The following THOC5 variants were observed in gnomAD, a reference collection of about 807,000 sequenced individuals.
THOC5 encodes the protein Fms-interacting protein.
Under a neutral mutation model 92.9 loss-of-function variants are expected in THOC5, and 43 were observed. That is an observed-to-expected ratio of 0.46 (90% CI 0.36 to 0.60). The LOEUF (loss-of-function observed/expected upper bound fraction) is 0.60. Ranked by LOEUF, THOC5 falls within the 20% of genes least tolerant of loss-of-function variation. The pLI, the probability that THOC5 is intolerant of heterozygous loss-of-function variation, is 0.00. For missense variants in THOC5, 659 were observed against 849.4 expected (o/e 0.78, Z 2.79); for synonymous variants, 296 against 320.1 (o/e 0.92, Z 0.80).
At chr22:29,541,810 G>A (rs1197133472) in intron 5 of THOC5, among the ~76,000 whole-genome samples, 7 of 129,538 alleles carry the variant, frequency 5.4e-5, no homozygotes, top group South Asian at 2.6e-4. Flanking sequence ...GCAGTGAGCC[G>A]AGATCACGCC....
intron 12 of THOC5, among the ~76,000 whole-genome samples, chr22:29,524,006 G>A (rs566402000): frequency 5.9e-5 from 9 of 152,298 alleles, no homozygotes; most frequent in East Asian, 5.8e-4. Flanking sequence ...CCAGTGCTGC[G>A]ATAATTGGTT....
intron 14 of THOC5, 138 bp downstream of exon 14, chr22:29,519,870 G>A: frequency 3.9e-6 from 2 of 509,576 alleles, no homozygotes; most frequent in Non-Finnish European, 3.4e-6. Flanking sequence ...CTGACCTCAG[G>A]TGATCCACCT....
chr22:29,532,206 T>C (rs748071506), intron 7 of THOC5, among the ~76,000 whole-genome samples: 1 of 152,180 alleles, frequency 6.6e-6, no homozygotes, highest in East Asian at 1.9e-4. Flanking sequence ...ATGCCCATAG[T>C]CCCAGCACTT....
chr22:29,537,571 G>A (rs530665325), intron 6 of THOC5, among the ~76,000 whole-genome samples: 13 of 152,102 alleles, frequency 8.5e-5, no homozygotes, highest in East Asian at 7.7e-4. Flanking sequence ...CTGGGGAGGC[G>A]GAGGTGAAAC....
At chr22:29,513,318 C>G (rs997386139) in intron 17 of THOC5, among the ~76,000 whole-genome samples, 5 of 150,286 alleles carry the variant, frequency 3.3e-5, no homozygotes, top group African/African-American at 1.2e-4. Context: ...GATCGTGCCA[C>G]TGCACTCCAG....
chr22:29,532,942 C>T (rs891590820), intron 7 of THOC5, among the ~76,000 whole-genome samples: 23 of 152,142 alleles, frequency 1.5e-4, no homozygotes, highest in Admixed American at 3.9e-4. Flanking sequence ...TGTACCACTG[C>T]ACTCCAGCCT....
At chr22:29,527,693 G>A (rs950827432) in intron 11 of THOC5, among the ~76,000 whole-genome samples, 3 of 152,026 alleles carry the variant, frequency 2.0e-5, no homozygotes, top group Non-Finnish European at 4.4e-5. Flanking sequence ...TTTATTATAT[G>A]GTACTTTTTC....
rs767069765 is a variant in THOC5, at chr22:29,519,070, G to A, written c.1425C>T (p.Thr475=). 2 of 1,611,688 alleles carry A rather than the reference G, an allele frequency of 1.2e-6. No individual in the cohort carries two copies. The highest frequency in any genetic ancestry group is 1.7e-6 in the Non-Finnish European group (2 of 1,178,962). The change falls in exon 15 of 20, where the codon ACC becomes ACT. Residue 475 remains threonine, a synonymous_variant. Coordinates refer to ENST00000490103, the MANE Select transcript of THOC5 (RefSeq NM_003678.5). The part of the protein sequence containing the change: ...HSLSASHMET[T]MKLLKTRVQS... ...GCACCCTGGTCTTCAGAAGTTTCAT[G>A]GTGGTCTCCATGTGGCTGGCGCTCA...
Position 29,512,155 on chromosome 22 carries a change from G to C in THOC5, c.1682-19C>G, listed in dbSNP as rs1250468533. ...AGTTTGGCTGGGAAGAGAGGAGAGAGGGGAAATGCGCAGTTCTAAGACTCA... is the reference window on the plus strand; with the variant it reads ...AGTTTGGCTGGGAAGAGAGGAGAGACGGGAAATGCGCAGTTCTAAGACTCA... On this transcript the variant is annotated intron_variant, in intron 17 of 19. Coordinates refer to ENST00000490103, the MANE Select transcript of THOC5 (RefSeq NM_003678.5). 6.2e-7 allele frequency: 1 copy of C among 1,606,470 alleles called. No individual in the cohort carries two copies.
rs113591718 is a variant in THOC5 at position 29,513,351 on chromosome 22, C to G, written c.1682-1215G>C. ...CAGCCTGGGTGACAGAGCAAGACTC[C>G]GTCTCAAAAAAAAAAAAAAAAAGTT... On this transcript the variant is annotated intron_variant, in intron 17 of 19. Transcript: ENST00000490103. Among the ~76,000 whole-genome samples the G allele has an allele frequency of 3.6e-5, 5 of 138,918 alleles. No homozygotes were observed. The East Asian group carries it at 1.2e-3, about 33-fold the overall frequency. 91.1% of individuals were successfully genotyped at this position (138,918 alleles called of 152,430 possible).
chr22:29,540,074 G>C (rs1252599389), intron 5 of THOC5, among the ~76,000 whole-genome samples: 1 of 152,218 alleles, frequency 6.6e-6, no homozygotes, highest in Non-Finnish European at 1.5e-5. Flanking sequence ...GAGGTCAGGA[G>C]TTCGAGACCA....
At chr22:29,509,490 G>A (rs1448229203) in intron 19 of THOC5, among the ~76,000 whole-genome samples, 1 of 152,090 alleles carries the variant, frequency 6.6e-6, no homozygotes, top group African/African-American at 2.4e-5. Flanking sequence ...CCACCTCCCA[G>A]CAGCCACTCA....
chr22:29,530,254 G>A (rs2063625281), intron 8 of THOC5, among the ~76,000 whole-genome samples: 1 of 151,632 alleles, frequency 6.6e-6, no homozygotes, highest in South Asian at 2.1e-4. Context: ...TTTTAGGCTG[G>A]GTGTGGTGGC....
intron 2 of THOC5, among the ~76,000 whole-genome samples, chr22:29,547,118 A>G (rs1214957500): frequency 2.0e-5 from 3 of 152,188 alleles, no homozygotes; most frequent in African/African-American, 7.2e-5. Context: ...TGCTAGGATT[A>G]TAGGCGTGAG....
intron 2 of THOC5, 28 bp downstream of exon 2, chr22:29,549,024 G>T (rs2064086268): frequency 6.2e-7 from 1 of 1,609,136 alleles, no homozygotes; most frequent in Admixed American, 1.7e-5. Context: ...TAATTTCTCA[G>T]CAGCATGGCA....
At chr22:29,544,629 G>A (rs1407815094) in intron 2 of THOC5, 26 bp from the exon 3 acceptor site, 1 of 1,563,536 alleles carries the variant, frequency 6.4e-7, no homozygotes, top group Non-Finnish European at 8.7e-7. Flanking sequence ...TAAAGGCTCT[G>A]TGTGCATGGG....
At chr22:29,552,760 A>G (rs1481855850) in intron 1 of THOC5, among the ~76,000 whole-genome samples, 1 of 152,166 alleles carries the variant, frequency 6.6e-6, no homozygotes, top group Non-Finnish European at 1.5e-5. Context: ...CTCATTGAGA[A>G]CGGGCCATGA....
chr22:29,535,309 A>T (rs2063739020), intron 7 of THOC5: 1 of 151,142 alleles, frequency 6.6e-6, no homozygotes, highest in Admixed American at 6.6e-5. Flanking sequence ...GGGCGGTGGC[A>T]AAGGTGGGTA....
Position 29,546,398 on chromosome 22 carries a change from C to CA in THOC5, c.97-1796dup, listed in dbSNP as rs1312519512. Among the ~76,000 whole-genome samples the CA allele has an allele frequency of 2.0e-4, 28 of 139,546 alleles. No individual in the cohort carries two copies. The South Asian group carries it at 2.5e-3, about 12-fold the overall frequency. The allele number at this position is 139,546 out of a possible 152,430, so 91.5% of individuals were successfully genotyped here. ...TCTGCAACCAACTTGAATTTCTCCG[C>CA]AAAAAATGGGTTTTTCTTTCCTTTT... On this transcript the variant is annotated intron_variant, in intron 2 of 19. Transcript: ENST00000490103.
Sources: gnomAD v4.1 joint callset for allele counts (sites outside exome capture counted in the v4.1 genomes callset) on GRCh38, gnomAD v4.1.1 for gene constraint, MANE v1.5 for transcripts, NCBI Gene and HGNC (gene_info 2026-07-23, HGNC 2026-07-21) for gene names.